Variants in STIM1 observed in about 807,000 individuals in gnomAD.
The protein encoded by STIM1 is stromal interaction molecule 1.
STIM1 carries 25 observed loss-of-function variants against 74.7 expected under a neutral mutation model. That is an observed-to-expected ratio of 0.33 (90% confidence interval 0.24 to 0.47). The LOEUF (loss-of-function observed/expected upper bound fraction) is 0.47. Among genes scored for constraint, STIM1 ranks in the 20% least tolerant of loss-of-function variants. The pLI, the probability that STIM1 is intolerant of heterozygous loss-of-function variation, is 1.00. For synonymous variants in STIM1, 328 were observed against 348.8 expected, an observed-to-expected ratio of 0.94 and a Z score of 0.66; for missense variants, 728 against 920.8, an observed-to-expected ratio of 0.79 and a Z score of 2.71.
chr11:3,954,811 G>A (rs921414020), intron 1 of STIM1, among the ~76,000 whole-genome samples: 3 of 152,170 alleles, frequency 2.0e-5, no homozygotes, highest in African/African-American at 7.2e-5. Flanking sequence ...AGTATAAAGT[G>A]ATATGCCTAC....
intron 2 of STIM1, chr11:3,973,090 C>T (rs566120437): frequency 1.4e-5 from 6 of 434,132 alleles, no homozygotes; most frequent in Admixed American, 1.1e-4. Flanking sequence ...ATCCTGCCTC[C>T]ACTTCCATAG....
At chr11:3,913,654 A>T (rs2092599314) in intron 1 of STIM1, among the ~76,000 whole-genome samples, 1 of 152,228 alleles carries the variant, frequency 6.6e-6, no homozygotes, top group African/African-American at 2.4e-5. Flanking sequence ...TGAAATTCAT[A>T]GAACATTAAC....
At chr11:3,856,458 C>G (rs775840019) in intron 1 of STIM1, 49 bp downstream of exon 1, 1 of 1,587,644 alleles carries the variant, frequency 6.3e-7, no homozygotes, top group Admixed American at 1.8e-5. Context: ...TGGCTCAGGA[C>G]TGAGTGGCCC....
intron 1 of STIM1, among the ~76,000 whole-genome samples, chr11:3,900,657 C>G (rs1017023690): frequency 6.6e-6 from 1 of 152,210 alleles, no homozygotes; most frequent in African/African-American, 2.4e-5. Flanking sequence ...GCGATCACAG[C>G]TCACTGCAGC....
chr11:4,058,351 C>T (rs1361976642), intron 4 of STIM1, among the ~76,000 whole-genome samples: 1 of 152,192 alleles, frequency 6.6e-6, no homozygotes, highest in Non-Finnish European at 1.5e-5. Flanking sequence ...GGCTTGATTG[C>T]TTTCCAAGGC....
intron 3 of STIM1, among the ~76,000 whole-genome samples, chr11:4,046,059 C>A (rs1246170228): frequency 1.7e-5 from 1 of 59,028 alleles, no homozygotes; most frequent in African/African-American, 6.0e-5. Context: ...CGTGAGCTAC[C>A]TTTTTTTTTT....
At chr11:4,082,461 AT>A (rs1198038743) in intron 8 of STIM1, 110 bp downstream of exon 8, 2 of 1,170,506 alleles carry the variant, frequency 1.7e-6, no homozygotes, top group South Asian at 1.3e-5. Context: ...GGGTGAAGAG[AT>A]ATCCTGGTGG....
intron 7 of STIM1, among the ~76,000 whole-genome samples, chr11:4,077,035 T>A (rs1239620042): frequency 6.6e-6 from 1 of 151,396 alleles, no homozygotes; most frequent in Admixed American, 6.6e-5. Context: ...AGAGACACAT[T>A]TTAAATATAA....
intron 10 of STIM1, 91 bp from the exon 11 acceptor site, chr11:4,084,576 TCCCTGC>T: frequency 9.9e-7 from 1 of 1,011,744 alleles, no homozygotes; most frequent in Non-Finnish European, 1.4e-6. Flanking sequence ...AGCTACCCAA[TCCCTGC>T]CCCCAGCCCT....
chr11:3,880,864 A>G lies in STIM1; in HGVS notation c.139+24455A>G, dbSNP rs946706244. On this transcript the variant is annotated intron_variant, in intron 1 of 12. Transcript: ENST00000526596. ...TGAGATACATGGACCAATACATCCT[A>G]TTTAAAAGGGAGCTTGCTTTCTCAC... Among the ~76,000 whole-genome samples the G allele has an allele frequency of 3.3e-5, 5 of 152,140 alleles. No individual in the cohort carries two copies. In the East Asian group the frequency reaches 7.7e-4, roughly 23 times the overall value.
At chr11:3,923,602 C>G (rs1201643608) in intron 1 of STIM1, among the ~76,000 whole-genome samples, 1 of 134,572 alleles carries the variant, frequency 7.4e-6, no homozygotes, top group Non-Finnish European at 1.5e-5. Flanking sequence ...GAGTGAGACC[C>G]TATCTCAAAA....
At position 4,060,749 on chromosome 11, in the gene STIM1, G is replaced by A. The variant is rs930492; in HGVS notation, c.613+1353G>A. Among the ~76,000 whole-genome samples the A allele has an allele frequency of 8.1e-3, 1,226 of 152,284 alleles. 17 individuals are homozygous for A. Among genetic ancestry groups the A allele is most frequent in the African/African-American group, 0.028 (1,166 of 41,552 alleles). On this transcript the variant is annotated intron_variant, in intron 5 of 12. Transcript: ENST00000526596. ...GCTCTCCAGTACTTCTATCTAAATG[G>A]AGATAGCTATGTCAACAAATATAGT...
chr11:4,031,254 G>C (rs556984963), intron 3 of STIM1, among the ~76,000 whole-genome samples: 1 of 152,288 alleles, frequency 6.6e-6, no homozygotes, highest in South Asian at 2.1e-4. Flanking sequence ...CTTAGTAGTA[G>C]TCCATTGTAG....
intron 3 of STIM1, among the ~76,000 whole-genome samples, chr11:4,047,548 G>A (rs1174765931): frequency 6.6e-6 from 1 of 152,110 alleles, no homozygotes; most frequent in Non-Finnish European, 1.5e-5. Flanking sequence ...CCTGGGAGGC[G>A]GAGGCTTCAG....
At chr11:3,960,100 T>A (rs2093269282) in intron 1 of STIM1, among the ~76,000 whole-genome samples, 1 of 152,250 alleles carries the variant, frequency 6.6e-6, no homozygotes, top group Admixed American at 6.5e-5. Flanking sequence ...CATGTAGAAG[T>A]TTGATGGTTA....
At chr11:4,086,798 C>T (rs756969466) in intron 12 of STIM1, 10 of 1,536,576 alleles carry the variant, frequency 6.5e-6, no homozygotes, top group Non-Finnish European at 8.7e-6. Context: ...CAGATGGAGC[C>T]CTACCCTGAC....
chr11:4,036,852 G>T (rs183717847), intron 3 of STIM1, among the ~76,000 whole-genome samples: 2 of 152,102 alleles, frequency 1.3e-5, no homozygotes, highest in Non-Finnish European at 2.9e-5. Flanking sequence ...AATGCCAAAA[G>T]CAAATGCAAC....
chr11:3,984,063 C>A (rs941887216), intron 2 of STIM1, among the ~76,000 whole-genome samples: 31 of 151,990 alleles, frequency 2.0e-4, no homozygotes, highest in African/African-American at 7.0e-4. Flanking sequence ...GACGGGGTTT[C>A]ATATGTTGGT....
At chr11:4,069,916 GGA>G in intron 5 of STIM1, 108 bp from the exon 6 acceptor site, 1 of 1,177,606 alleles carries the variant, frequency 8.5e-7, no homozygotes, top group Middle Eastern at 2.7e-4. Context: ...CTTCTCAGTG[GGA>G]GAGTGTGTCT....
Sources: gnomAD v4.1 joint callset for allele counts (sites outside exome capture counted in the v4.1 genomes callset) on GRCh38, gnomAD v4.1.1 for gene constraint, MANE v1.5 for transcripts, NCBI Gene and HGNC (gene_info 2026-07-23, HGNC 2026-07-21) for gene names.